Variants in GNAQ observed in about 807,000 individuals in gnomAD.
GNAQ encodes the protein G protein subunit alpha q, also known as guanine nucleotide-binding protein G(q) subunit alpha.
Under a neutral mutation model 43.9 loss-of-function variants are expected in GNAQ, and 8 were observed. The ratio of observed to expected loss-of-function variants is 0.18; its 90% confidence interval spans 0.11 to 0.33. GNAQ has a LOEUF of 0.33. Ranked by LOEUF, GNAQ falls within the 10% of genes least tolerant of loss-of-function variation. GNAQ has a pLI of 1.00. For missense variants in GNAQ, 158 were observed against 450.8 expected (o/e 0.35, Z 5.88); for synonymous variants, 155 against 170.7 (o/e 0.91, Z 0.71).
chr9:77,988,850 G>A (rs536247085), intron 1 of GNAQ, among the ~76,000 whole-genome samples: 1 of 152,148 alleles, frequency 6.6e-6, no homozygotes, highest in Non-Finnish European at 1.5e-5. Flanking sequence ...GAAAGCTAAT[G>A]CAAGTCTAAA....
rs140681704 is a variant in GNAQ, at chr9:77,727,914, G to A, written c.889+600C>T. ...TAACCAAATGAAAGGGAGACACAGA[G>A]GGGACTATAAGAGTTAATACACAAT... On this transcript the variant is annotated intron_variant, in intron 6 of 6. Transcript: ENST00000286548. 4.9e-3 allele frequency among the ~76,000 whole-genome samples: 740 copies of A among 152,266 alleles called. 2 individuals carry two copies. Among genetic ancestry groups the A allele is most frequent in the Middle Eastern group, 0.017 (5 of 294 alleles).
At position 77,811,464 on chromosome 9, in the gene GNAQ, A is replaced by C. The variant is rs560040154; in HGVS notation, c.476+4152T>G. Among the ~76,000 whole-genome samples, 4 of 152,330 alleles carry C rather than the reference A, an allele frequency of 2.6e-5. No individual in the cohort carries two copies. In the East Asian group the frequency reaches 7.7e-4, roughly 29 times the overall value. On this transcript the variant is annotated intron_variant, in intron 3 of 6. Transcript: ENST00000286548. Reference sequence around the variant, plus strand: ...AAGGGCTAACAATTATCTCAAACACAGAGAAAGGAATTATTCTGAGTTATT... The same window carrying C: ...AAGGGCTAACAATTATCTCAAACACCGAGAAAGGAATTATTCTGAGTTATT...
At chr9:77,981,786 A>G (rs1398195015) in intron 1 of GNAQ, among the ~76,000 whole-genome samples, 4 of 152,180 alleles carry the variant, frequency 2.6e-5, no homozygotes, top group African/African-American at 4.8e-5. Context: ...TCCAGAACTC[A>G]TCTTCCCATA....
intron 1 of GNAQ, among the ~76,000 whole-genome samples, chr9:77,996,415 C>T (rs939472328): frequency 1.3e-5 from 2 of 152,114 alleles, no homozygotes; most frequent in Admixed American, 1.3e-4. Context: ...CGCGGTGGCT[C>T]ACGCCTGTAA....
At chr9:77,921,314 C>A (rs181885110) in intron 2 of GNAQ, among the ~76,000 whole-genome samples, 6 of 152,332 alleles carry the variant, frequency 3.9e-5, no homozygotes, top group Non-Finnish European at 5.9e-5. Flanking sequence ...GACAGTCACA[C>A]CCTGGGTGCA....
intron 2 of GNAQ, among the ~76,000 whole-genome samples, chr9:77,913,653 T>C (rs1828845305): frequency 6.6e-6 from 1 of 152,190 alleles, no homozygotes. Flanking sequence ...CAAAGGAATA[T>C]ATATTTTGTA....
intron 1 of GNAQ, among the ~76,000 whole-genome samples, chr9:77,986,116 T>C (rs184374364): frequency 1.2e-3 from 183 of 152,304 alleles, no homozygotes; most frequent in Admixed American, 2.5e-3. Context: ...AATATTTGTT[T>C]ATTCTCCAGC....
intron 3 of GNAQ, among the ~76,000 whole-genome samples, chr9:77,804,397 G>C (rs748088867): frequency 6.6e-6 from 1 of 152,152 alleles, no homozygotes. Context: ...AGGTGTGGCG[G>C]CATGTGCCTA....
chr9:78,031,007 G>A (rs1824050579), intron 1 of GNAQ, 93 bp downstream of exon 1: 1 of 947,204 alleles, frequency 1.1e-6, no homozygotes, highest in South Asian at 3.7e-5. Context: ...CGCGGGCGCC[G>A]GGGGGCGGGG....
intron 5 of GNAQ, among the ~76,000 whole-genome samples, chr9:77,733,586 C>T (rs879337084): frequency 6.6e-6 from 1 of 152,228 alleles, no homozygotes; most frequent in African/African-American, 2.4e-5. Flanking sequence ...CTTTCCCAAG[C>T]CCCATTGGAC....
chr9:77,910,911 G>A (rs1365046580), intron 2 of GNAQ, among the ~76,000 whole-genome samples: 1 of 152,196 alleles, frequency 6.6e-6, no homozygotes, highest in African/African-American at 2.4e-5. Context: ...AGTTGTGTAT[G>A]ACTCCAGTAG....
intron 5 of GNAQ, among the ~76,000 whole-genome samples, chr9:77,760,488 C>CA (rs1460416314): frequency 6.6e-6 from 1 of 152,136 alleles, no homozygotes; most frequent in Non-Finnish European, 1.5e-5. Flanking sequence ...GGATTGCAGA[C>CA]AGTGTCTGGT....
intron 2 of GNAQ, among the ~76,000 whole-genome samples, chr9:77,865,785 A>G (rs1827938855): frequency 1.3e-5 from 2 of 152,236 alleles, no homozygotes; most frequent in Non-Finnish European, 2.9e-5. Flanking sequence ...CTCGTGTTGT[A>G]TGAGTCTATG....
intron 1 of GNAQ, among the ~76,000 whole-genome samples, chr9:77,990,982 T>C (rs545010629): frequency 6.6e-6 from 1 of 152,330 alleles, no homozygotes; most frequent in East Asian, 1.9e-4. Context: ...TAAAATTCCC[T>C]CAAAATGTAT....
chr9:77,794,362 C>T (rs2118441704), intron 5 of GNAQ, 101 bp downstream of exon 5: 2 of 776,226 alleles, frequency 2.6e-6, no homozygotes, highest in South Asian at 5.1e-5. Flanking sequence ...TTCAAGAAAG[C>T]AAAGAAGTAA....
At chr9:77,963,538 T>TG (rs1202930265) in intron 1 of GNAQ, among the ~76,000 whole-genome samples, 3 of 151,956 alleles carry the variant, frequency 2.0e-5, no homozygotes, top group Admixed American at 6.6e-5. Context: ...AGTACGATCC[T>TG]GAAAAAAAAG....
intron 1 of GNAQ, among the ~76,000 whole-genome samples, chr9:77,933,588 T>C (rs1334801442): frequency 6.6e-6 from 1 of 151,728 alleles, no homozygotes; most frequent in Non-Finnish European, 1.5e-5. Context: ...GAGGTTGCAG[T>C]GACCTGAGAT....
At chr9:77,967,385 AGGTTCT>A (rs1214334557) in intron 1 of GNAQ, among the ~76,000 whole-genome samples, 2 of 152,082 alleles carry the variant, frequency 1.3e-5, no homozygotes, top group Non-Finnish European at 2.9e-5. Context: ...ATCAATATTT[AGGTTCT>A]GCTCTTGTTG....
At chr9:77,751,113 T>C (rs998204913) in intron 5 of GNAQ, among the ~76,000 whole-genome samples, 1 of 152,204 alleles carries the variant, frequency 6.6e-6, no homozygotes, top group Non-Finnish European at 1.5e-5. Flanking sequence ...GTGAATCCCA[T>C]TTAGCAATTA....
Sources: gnomAD v4.1 joint callset for allele counts (sites outside exome capture counted in the v4.1 genomes callset) on GRCh38, gnomAD v4.1.1 for gene constraint, MANE v1.5 for transcripts, NCBI Gene and HGNC (gene_info 2026-07-23, HGNC 2026-07-21) for gene names.